The following SLC4A11 variants were observed in gnomAD, a reference collection of about 807,000 sequenced individuals.
SLC4A11 encodes bicarbonate transporter related protein 1.
In SLC4A11, 74 loss-of-function variants were observed where a neutral mutation model predicts 95.0. The observed-to-expected ratio is 0.78, with a 90% CI of 0.65 to 0.95. The LOEUF (loss-of-function observed/expected upper bound fraction) is 0.95, where lower values mean the gene tolerates loss of function less well. SLC4A11 is among the 40% of genes least tolerant of loss of function. The pLI, the probability that SLC4A11 is intolerant of heterozygous loss-of-function variation, is 0.00. For missense variants in SLC4A11, 1,081 were observed against 1,192.4 expected (o/e 0.91, Z 1.38); for synonymous variants, 548 against 519.0 (o/e 1.06, Z -0.76).
Position 3,230,787 on chromosome 20 carries a change from A to C in SLC4A11, c.1227T>G (p.Ser409=). Residue 409 remains serine, a synonymous_variant, in exon 11 of 20, where the codon TCT becomes TCG. Coordinates refer to ENST00000642402, the MANE Select transcript of SLC4A11 (RefSeq NM_001174089.2). ...SIGGLLYALF[S]GQPLVILLTT... ...TCAGCAGAATCACCAATGGCTGCCC[A>C]GAGAAGAGCGCGTAGAGCAGGCCCC... is the stretch of plus-strand genomic sequence containing the variant. 6.2e-7 allele frequency: 1 copy of C among 1,613,354 alleles called. No homozygotes were observed. The highest frequency in any genetic ancestry group is 8.5e-7 in the Non-Finnish European group (1 of 1,179,996).
chr20:3,228,992 A>G lies in SLC4A11; in HGVS notation c.2038T>C (p.Tyr680His). ...PENRLVKGTAYHWDLLLLAII... is the reference protein window; with the variant it reads ...PENRLVKGTAHHWDLLLLAII... ...GCGAGGAGCAGGAGGTCCCAGTGGT[A>G]GGCAGTGCCCTTCACCAGCCTGCAG... Residue 680 changes from tyrosine (Y) to histidine (H), a missense_variant, in exon 17 of 20, where the codon TAC becomes CAC. Physicochemically the swap from Tyr to His is moderately conservative, Grantham distance 83 (BLOSUM62 2). Coordinates refer to ENST00000642402, the MANE Select transcript of SLC4A11 (RefSeq NM_001174089.2). 1.2e-6 allele frequency: 2 copies of G among 1,613,562 alleles called. No homozygotes were observed. Among genetic ancestry groups the G allele is most frequent in the Non-Finnish European group, 1.7e-6 (2 of 1,179,990 alleles).
In SLC4A11 at chr20:3,237,570, G is replaced by A. The variant is rs751587806; in HGVS notation, c.62C>T (p.Ser21Leu). 4.3e-6 allele frequency: 7 copies of A among 1,613,920 alleles called. No individual in the cohort carries two copies. The African/African-American group carries it at 6.7e-5, about 15-fold the overall frequency. ...LQPCENSPTM[S>L]QNGYFEDSSY... ...TGAATCCTCGAAGTATCCATTCTGCGACATGGTGGGAGAGTTTTCTGCAAG... is the reference window on the plus strand; with the variant it reads ...TGAATCCTCGAAGTATCCATTCTGCAACATGGTGGGAGAGTTTTCTGCAAG... The change falls in exon 2 of 20, where the codon TCG becomes TTG. Residue 21 changes from serine (S) to leucine (L), a missense_variant. Ser to Leu is a moderately radical substitution (Grantham distance 145). Transcript: ENST00000642402.
In SLC4A11 at chr20:3,234,772, C is replaced by T. The variant is rs1458397216; in HGVS notation, c.211G>A (p.Val71Ile). The change falls in exon 3 of 20, where the codon GTC (valine) becomes ATC (isoleucine). Residue 71 changes from valine (V) to isoleucine (I), a missense_variant. Around this residue, in one of 3 missense-constraint regions of SLC4A11, gnomAD observed 310 missense variants for 313.5 expected, o/e 0.99. Transcript: ENST00000642402. The surrounding 1 kb of genome is among the most constrained non-coding windows in gnomAD (Gnocchi z 5.8). Reference sequence around the variant, plus strand: ...TTGGTGGCCTGCATCTCAAGGTTGACATTGACAAAAAAACGGATACTCTCG... The same window carrying T: ...TTGGTGGCCTGCATCTCAAGGTTGATATTGACAAAAAAACGGATACTCTCG... The part of the protein sequence containing the change: ...SGESIRFFVN[V>I]NLEMQATNTE... 3 of 1,614,018 alleles carry T rather than the reference C, an allele frequency of 1.9e-6. No homozygotes were observed. The highest frequency in any genetic ancestry group is 2.5e-6 in the Non-Finnish European group (3 of 1,180,018).
intron 1 of SLC4A11, chr20:3,238,308 AGCGACAGGAGGG>A (rs2068053551): frequency 8.3e-7 from 1 of 1,207,040 alleles, no homozygotes; most frequent in Admixed American, 4.0e-5. Flanking sequence ...GGAGGAAGGA[AGCGACAGGAGGG>A]GCCGCGTGCA....
chr20:3,238,825 G>A, intron 1 of SLC4A11: 3 of 1,179,536 alleles, frequency 2.5e-6, no homozygotes, highest in Non-Finnish European at 2.1e-6. Flanking sequence ...CCCTCGACCC[G>A]CTGCATCAGC....
chr20:3,228,912 G>A lies in SLC4A11; in HGVS notation c.2118C>T (p.Tyr706=), dbSNP rs533094188. The A allele has an allele frequency of 9.9e-6, 16 of 1,613,980 alleles. No homozygotes were observed. The highest frequency in any genetic ancestry group is 1.6e-4 in the Middle Eastern group (1 of 6,062). ...CTCGCACGTGCAGCGGGGAGTGGGG[G>A]TAGGCGGCATGGATCCAAGGCAGCC... The part of the protein sequence containing the change: ...LFGLPWIHAA[Y]PHSPLHVRAL... The change falls in exon 17 of 20, where the codon TAC becomes TAT. Residue 706 remains tyrosine (Y), a synonymous_variant. Transcript: ENST00000642402.
At position 3,234,901 on chromosome 20, in the gene SLC4A11, AC is replaced by A; in HGVS notation, c.89-8del. The A allele has an allele frequency of 6.2e-7, 1 of 1,613,304 alleles. No individual in the cohort carries two copies. The highest frequency in any genetic ancestry group is 1.1e-5 in the South Asian group (1 of 91,034). ...GTGTCACACTTGTAGTAGCCTAGAG[AC>A]CCCCAAGAGCAAGAGGGCCTGGCTG... is the stretch of plus-strand genomic sequence containing the variant. On this transcript the variant is annotated splice_polypyrimidine_tract_variant and splice_region_variant and intron_variant, in intron 2 of 19. Coordinates refer to ENST00000642402, the MANE Select transcript of SLC4A11 (RefSeq NM_001174089.2). The surrounding 1 kb of genome is among the most constrained non-coding windows in gnomAD (Gnocchi z 5.8).
Position 3,234,822 on chromosome 20 carries a change from G to T in SLC4A11, c.161C>A (p.Thr54Asn). The change falls in exon 3 of 20, where the codon ACT (threonine) becomes AAT (asparagine). Residue 54 changes from threonine to asparagine, a missense_variant. Coordinates refer to ENST00000642402, the MANE Select transcript of SLC4A11 (RefSeq NM_001174089.2). The surrounding 1 kb of genome is among the most constrained non-coding windows in gnomAD (Gnocchi z 5.8). ...GCCAGACACGATGGAGGAGTTGGCA[G>T]TGTCGAAGGCCTCATCCCCCAGGAT... is the stretch of plus-strand genomic sequence containing the variant. ...EEILGDEAFD[T>N]ANSSIVSGES... 1.2e-6 allele frequency: 2 copies of T among 1,614,112 alleles called. No homozygotes were observed. The highest frequency in any genetic ancestry group is 8.5e-7 in the Non-Finnish European group (1 of 1,180,032).
At chr20:3,230,056 A>G in intron 13 of SLC4A11, 131 bp downstream of exon 13, 1 of 1,225,230 alleles carries the variant, frequency 8.2e-7, no homozygotes, top group Non-Finnish European at 1.2e-6. Flanking sequence ...AGGCTCCCAG[A>G]GCACCGCACC....
chr20:3,235,279 C>CGT (rs141052665), intron 2 of SLC4A11, among the ~76,000 whole-genome samples: 45,943 of 136,868 alleles, frequency 0.34, 8,123 homozygotes, highest in East Asian at 0.43. Flanking sequence ...GCAGTATCCA[C>CGT]GTCTCTCTCT....
Position 3,234,831 on chromosome 20 carries a change from G to T in SLC4A11, c.152C>A (p.Ala51Asp). 6.2e-7 allele frequency: 1 copy of T among 1,614,034 alleles called. No homozygotes were observed. Among genetic ancestry groups the T allele is most frequent in the Non-Finnish European group, 8.5e-7 (1 of 1,180,014 alleles). ...EAREEILGDE[A>D]FDTANSSIVS... Reference sequence around the variant, plus strand: ...GATGGAGGAGTTGGCAGTGTCGAAGGCCTCATCCCCCAGGATCTCCTCTCG... The same window carrying T: ...GATGGAGGAGTTGGCAGTGTCGAAGTCCTCATCCCCCAGGATCTCCTCTCG... The change falls in exon 3 of 20, where the codon GCC (alanine) becomes GAC (aspartate). Residue 51 changes from alanine to aspartate, a missense_variant. By Grantham distance (126) the Ala-to-Asp change is moderately radical (BLOSUM62 -2). Around this residue, in one of 3 missense-constraint regions of SLC4A11, gnomAD observed 310 missense variants for 313.5 expected, o/e 0.99. Coordinates refer to ENST00000642402, the MANE Select transcript of SLC4A11 (RefSeq NM_001174089.2). This position sits in a 1 kb window ranked among gnomAD's most constrained non-coding sequence, Gnocchi z 5.8.
chr20:3,234,831 G>A lies in SLC4A11; in HGVS notation c.152C>T (p.Ala51Val), dbSNP rs1600603363. The change falls in exon 3 of 20, where the codon GCC becomes GTC. Residue 51 changes from alanine to valine, a missense_variant. Around this residue, in one of 3 missense-constraint regions of SLC4A11, gnomAD observed 310 missense variants for 313.5 expected, o/e 0.99. Coordinates refer to ENST00000642402, the MANE Select transcript of SLC4A11 (RefSeq NM_001174089.2). The surrounding 1 kb of genome is among the most constrained non-coding windows in gnomAD (Gnocchi z 5.8). ...GATGGAGGAGTTGGCAGTGTCGAAG[G>A]CCTCATCCCCCAGGATCTCCTCTCG... ...EAREEILGDE[A>V]FDTANSSIVS... 3.1e-6 allele frequency: 5 copies of A among 1,614,034 alleles called. No individual in the cohort carries two copies. The highest frequency in any genetic ancestry group is 1.6e-4 in the Middle Eastern group (1 of 6,062).
chr20:3,233,498 G>C lies in SLC4A11; in HGVS notation c.729+16C>G. On this transcript the variant is annotated intron_variant, in intron 7 of 19. Coordinates refer to ENST00000642402, the MANE Select transcript of SLC4A11 (RefSeq NM_001174089.2). ...GGGCCCTCCTTCTTCCCCAGGACAC[G>C]GCACTACCCACTCACCATCTTGGGT... The C allele has an allele frequency of 6.2e-7, 1 of 1,613,180 alleles. No individual in the cohort carries two copies. The highest frequency in any genetic ancestry group is 8.5e-7 in the Non-Finnish European group (1 of 1,179,936).
chr20:3,233,906 G>A lies in SLC4A11; in HGVS notation c.605+15C>T. On this transcript the variant is annotated intron_variant, in intron 6 of 19. Coordinates refer to ENST00000642402, the MANE Select transcript of SLC4A11 (RefSeq NM_001174089.2). ...ACTGCGACAAGAAGGGGGGCCAAGT[G>A]GCCTGGCAACTCACATGATGCAGAG... The A allele has an allele frequency of 1.2e-6, 2 of 1,611,906 alleles. No homozygotes were observed. Among genetic ancestry groups the A allele is most frequent in the South Asian group, 2.2e-5 (2 of 91,014 alleles).
Position 3,229,259 on chromosome 20 carries a change from G to T in SLC4A11, c.1854C>A (p.Ser618Arg), listed in dbSNP as rs748610304. 37 of 1,612,926 alleles carry T rather than the reference G, an allele frequency of 2.3e-5. No homozygotes were observed. The Admixed American group carries it at 6.2e-4, about 27-fold the overall frequency. ...SSHGFREIEM[S>R]KFRYNPSESP... ...TCTCGCTGGGGTTGTAGCGGAACTT[G>T]CTCACTGCAGTAGGGGACAGGCTAC... The change falls in exon 16 of 20, where the codon AGC (serine) becomes AGA (arginine). Residue 618 changes from serine to arginine, a missense_variant. This residue lies in a region of SLC4A11 where 767 missense variants were observed against 858.0 expected (regional missense o/e 0.89). Coordinates refer to ENST00000642402, the MANE Select transcript of SLC4A11 (RefSeq NM_001174089.2).
In SLC4A11 at chr20:3,228,922, T is replaced by C. The variant is rs1487318367; in HGVS notation, c.2108A>G (p.His703Arg). 1 of 1,613,858 alleles carries C rather than the reference T, an allele frequency of 6.2e-7. No homozygotes were observed. Among genetic ancestry groups the C allele is most frequent in the Non-Finnish European group, 8.5e-7 (1 of 1,179,998 alleles). Reference protein sequence around the residue: ...GLSLFGLPWIHAAYPHSPLHV... With the variant: ...GLSLFGLPWIRAAYPHSPLHV... The stretch of plus-strand genomic sequence containing the variant: ...CAGCGGGGAGTGGGGGTAGGCGGCA[T>C]GGATCCAAGGCAGCCCAAACAGAGA... The change falls in exon 17 of 20, where the codon CAT becomes CGT. Residue 703 changes from histidine to arginine, a missense_variant. By Grantham distance (29) the His-to-Arg change is conservative. Coordinates refer to ENST00000642402, the MANE Select transcript of SLC4A11 (RefSeq NM_001174089.2).
At position 3,230,200 on chromosome 20, in the gene SLC4A11, C is replaced by G. The variant is rs1263514757; in HGVS notation, c.1476G>C (p.Lys492Asn). The change falls in exon 13 of 20, where the codon AAG (lysine) becomes AAC (asparagine). Residue 492 changes from lysine to asparagine, a missense_variant. Around this residue, in one of 3 missense-constraint regions of SLC4A11, gnomAD observed 767 missense variants for 858.0 expected, o/e 0.89. Transcript: ENST00000642402. ...AGCCGCACTCACTTTTAACCGTGCCCTTGACGGCATCCAGCACAAACGTGA... is the reference window on the plus strand; with the variant it reads ...AGCCGCACTCACTTTTAACCGTGCCGTTGACGGCATCCAGCACAAACGTGA... ...ISITFVLDAVKGTVKIFWKYY... is the reference protein window; with the variant it reads ...ISITFVLDAVNGTVKIFWKYY... The G allele has an allele frequency of 1.9e-6, 3 of 1,613,584 alleles. No homozygotes were observed. The highest frequency in any genetic ancestry group is 2.5e-6 in the Non-Finnish European group (3 of 1,180,018).
rs2068080670 is a variant in SLC4A11 at position 3,239,173 on chromosome 20, C to A, written c.-36G>T. On this transcript the variant is annotated 5_prime_UTR_variant, in exon 1 of 20. Transcript: ENST00000642402. ...CGCACTCACGGCCGGGCTCCTCACG[C>A]GGCGCTCCGGCGCTTCTGGACCCCA... 2.1e-6 allele frequency: 3 copies of A among 1,430,142 alleles called. No homozygotes were observed. In the East Asian group the frequency reaches 9.3e-5, roughly 45 times the overall value. The allele number at this position is 1,430,142 out of a possible 1,614,324, so 88.6% of individuals were successfully genotyped here. A position where few individuals can be genotyped will look rare whatever the true frequency, so the allele number is the denominator to read the frequency against.
chr20:3,234,146 A>T lies in SLC4A11; in HGVS notation c.460T>A (p.Cys154Ser), dbSNP rs2067884391. The T allele has an allele frequency of 6.2e-7, 1 of 1,614,124 alleles. No individual in the cohort carries two copies. The highest frequency in any genetic ancestry group is 1.3e-5 in the African/African-American group (1 of 75,060). The change falls in exon 5 of 20, where the codon TGC (cysteine) becomes AGC (serine). Residue 154 changes from cysteine to serine, a missense_variant. Cys to Ser is a moderately radical substitution (Grantham distance 112). This residue lies in a region of SLC4A11 where 310 missense variants were observed against 313.5 expected (regional missense o/e 0.99). Transcript: ENST00000642402. This position sits in a 1 kb window ranked among gnomAD's most constrained non-coding sequence, Gnocchi z 5.8. ...ARDPDNNEPN[C>S]NLDLLMAMLF... ...ATGGCCATGAGCAGGTCCAGGTTGCAGTTGGGCTCATTGTTGTCAGGGTCC... is the reference window on the plus strand; with the variant it reads ...ATGGCCATGAGCAGGTCCAGGTTGCTGTTGGGCTCATTGTTGTCAGGGTCC...
Sources: gnomAD v4.1 joint callset for allele counts (sites outside exome capture counted in the v4.1 genomes callset) on GRCh38, gnomAD v4.1.1 for gene constraint, gnomAD v4.1.1 regional missense constraint, Gnocchi (gnomAD v3.1) non-coding constraint, MANE v1.5 for transcripts, NCBI Gene and HGNC (gene_info 2026-07-23, HGNC 2026-07-21) for gene names.